SLC51A: variants seen among roughly 807,000 people sequenced by gnomAD.
SLC51A encodes organic solute transporter subunit alpha.
A neutral mutation model predicts 34.8 loss-of-function variants in SLC51A; 22 were observed. The ratio of observed to expected loss-of-function variants is 0.63; its 90% CI spans 0.45 to 0.90. The LOEUF is 0.90. SLC51A is among the 40% of genes least tolerant of loss of function. The pLI, the probability that SLC51A is intolerant of heterozygous loss-of-function variation, is 0.00. For synonymous variants in SLC51A, 181 were observed against 176.3 expected, an observed-to-expected ratio of 1.03 and a Z score of -0.21; for missense variants, 371 against 414.8, an observed-to-expected ratio of 0.89 and a Z score of 0.92.
At chr3:196,231,307 T>C (rs748192456) in intron 7 of SLC51A, among the ~76,000 whole-genome samples, 2 of 152,190 alleles carry the variant, frequency 1.3e-5, no homozygotes, top group Non-Finnish European at 2.9e-5. Context: ...GAAAATTCTC[T>C]CAAAGGCATG....
intron 2 of SLC51A, among the ~76,000 whole-genome samples, chr3:196,219,104 T>TA (rs1265800774): frequency 1.3e-5 from 2 of 152,082 alleles, no homozygotes; most frequent in African/African-American, 4.8e-5. Context: ...CGGGCACCTG[T>TA]AATCCCAGCT....
At chr3:196,232,351 G>T in intron 7 of SLC51A, 68 bp from the exon 8 acceptor site, 2 of 1,281,636 alleles carry the variant, frequency 1.6e-6, no homozygotes, top group Non-Finnish European at 2.3e-6. Context: ...GCCCGGCAGT[G>T]GGCTGGCTGC....
intron 2 of SLC51A, among the ~76,000 whole-genome samples, chr3:196,220,157 C>T (rs1040569607): frequency 1.8e-4 from 28 of 152,208 alleles, no homozygotes; most frequent in African/African-American, 5.3e-4. Flanking sequence ...AGGCCCGCTG[C>T]GCGCCGGGCT....
rs138726787 is a variant in SLC51A at position 196,227,048 on chromosome 3, G to A, written c.217G>A (p.Val73Ile). Reference protein sequence around the residue: ...GSIAIFLEDAVYLYKNTLCPI... With the variant: ...GSIAIFLEDAIYLYKNTLCPI... ...CATTGCCATCTTCCTGGAGGATGCC[G>A]TCTACCTGTACAAGAACACCCTTTG... Residue 73 changes from valine to isoleucine, a missense_variant, in exon 3 of 9, where the codon GTC becomes ATC. Val to Ile is a conservative substitution (Grantham distance 29, BLOSUM62 3). Transcript: ENST00000296327. 68 of 1,613,962 alleles carry A rather than the reference G, an allele frequency of 4.2e-5. No individual in the cohort carries two copies. The highest frequency in any genetic ancestry group is 3.5e-4 in the Admixed American group (21 of 59,996).
Position 196,228,883 on chromosome 3 carries a change from T to C in SLC51A, c.596T>C (p.Leu199Pro), listed in dbSNP as rs200764718. 1.3e-5 allele frequency: 21 copies of C among 1,614,170 alleles called. No homozygotes were observed. Among genetic ancestry groups the C allele is most frequent in the Non-Finnish European group, 1.2e-5 (14 of 1,180,012 alleles). Residue 199 changes from leucine to proline, a missense_variant, in exon 6 of 9, where the codon CTG (leucine) becomes CCG (proline). Leu to Pro is a moderately conservative substitution (Grantham distance 98). Transcript: ENST00000296327. This position sits in a 1 kb window ranked among gnomAD's most constrained non-coding sequence, Gnocchi z 4.9. ...FLKITLTLVG[L>P]FLVPDGIYDP... Reference sequence around the variant, plus strand: ...AAGATAACGCTGACCCTGGTGGGCCTGTTTCTCGTCCCCGACGGCATCTAT... The same window carrying C: ...AAGATAACGCTGACCCTGGTGGGCCCGTTTCTCGTCCCCGACGGCATCTAT...
In SLC51A at chr3:196,216,631, C is replaced by T. The variant is rs1723583379; in HGVS notation, c.-82C>T. On this transcript the variant is annotated 5_prime_UTR_variant, in exon 1 of 9. Transcript: ENST00000296327. The surrounding 1 kb of genome is among the most constrained non-coding windows in gnomAD (Gnocchi z 4.5). ...CCCCCACCCCGGCCCAGGCAAGCCA[C>T]CCTGCCCCCGGCCCCCACCTGCCCG... is the stretch of plus-strand genomic sequence containing the variant. 2 of 1,441,126 alleles carry T rather than the reference C, an allele frequency of 1.4e-6. No individual in the cohort carries two copies. The highest frequency in any genetic ancestry group is 4.0e-5 in the Admixed American group (2 of 50,612). The allele number at this position is 1,441,126 out of a possible 1,614,324, so 89.3% of individuals were successfully genotyped here.
At chr3:196,230,272 C>G (rs1227606550) in intron 7 of SLC51A, among the ~76,000 whole-genome samples, 1 of 152,142 alleles carries the variant, frequency 6.6e-6, no homozygotes, top group Non-Finnish European at 1.5e-5. Flanking sequence ...CAAAATACCA[C>G]AAATCAGATG....
At chr3:196,227,999 G>A in intron 4 of SLC51A, 116 bp from the exon 5 acceptor site, 1 of 1,385,372 alleles carries the variant, frequency 7.2e-7, no homozygotes, top group Non-Finnish European at 9.9e-7. Context: ...CGCCCCTCTT[G>A]GGTCACACAC....
chr3:196,227,546 G>A (rs964789371), intron 3 of SLC51A, 118 bp from the exon 4 acceptor site: 3 of 857,196 alleles, frequency 3.5e-6, no homozygotes, highest in East Asian at 2.5e-5. Flanking sequence ...AGCTGGCAAC[G>A]TTTAAGGAAC....
At chr3:196,219,324 C>T (rs1055724915) in intron 2 of SLC51A, among the ~76,000 whole-genome samples, 12 of 152,182 alleles carry the variant, frequency 7.9e-5, no homozygotes, top group South Asian at 2.1e-4. Context: ...TTGAGAATCA[C>T]GGCCCGAGCA....
intron 7 of SLC51A, among the ~76,000 whole-genome samples, chr3:196,231,220 T>C (rs1724022722): frequency 6.6e-6 from 1 of 152,186 alleles, no homozygotes; most frequent in Non-Finnish European, 1.5e-5. Context: ...GGGGCTAGAA[T>C]TTATACCCAG....
At chr3:196,222,726 G>A (rs890236826) in intron 2 of SLC51A, among the ~76,000 whole-genome samples, 15 of 151,594 alleles carry the variant, frequency 9.9e-5, no homozygotes, top group African/African-American at 3.6e-4. Flanking sequence ...AAAAATGTCA[G>A]TATGCTCTGC....
chr3:196,229,811 C>A, intron 6 of SLC51A, 104 bp from the exon 7 acceptor site: 1 of 1,380,872 alleles, frequency 7.2e-7, no homozygotes, highest in Non-Finnish European at 9.7e-7. Context: ...TATCATTGCA[C>A]CTCTGCACTT....
intron 2 of SLC51A, among the ~76,000 whole-genome samples, chr3:196,220,827 T>C (rs1420938874): frequency 6.6e-6 from 1 of 151,756 alleles, no homozygotes. Context: ...GAAGTGCCTC[T>C]GGGAGGCTGT....
Position 196,229,944 on chromosome 3 carries a change from C to A in SLC51A, c.663C>A (p.Ile221=). Residue 221 remains isoleucine, a synonymous_variant, in exon 7 of 9, where the codon ATC becomes ATA. Coordinates refer to ENST00000296327, the MANE Select transcript of SLC51A (RefSeq NM_152672.6). The part of the protein sequence containing the change: ...DISEGSTALW[I]NTFLGVSTLL... ...CTGAGGGGAGCACAGCTCTATGGAT[C>A]AACACTTTCCTTGGCGTGTCCACAC... 1 of 1,612,782 alleles carries A rather than the reference C, an allele frequency of 6.2e-7. No homozygotes were observed.
chr3:196,223,293 C>T (rs74475893), intron 2 of SLC51A, among the ~76,000 whole-genome samples: 1,718 of 151,960 alleles, frequency 0.011, 55 homozygotes, highest in Non-Finnish European at 0.02. Context: ...GTTACAGAGC[C>T]GTTACTCCTC....
chr3:196,223,610 C>T (rs1042179351), intron 2 of SLC51A, among the ~76,000 whole-genome samples: 4 of 151,578 alleles, frequency 2.6e-5, no homozygotes, highest in African/African-American at 9.7e-5. Context: ...CCCCCGCTTC[C>T]CAACCACAGA....
At chr3:196,218,960 T>C (rs531740291) in intron 2 of SLC51A, among the ~76,000 whole-genome samples, 1 of 152,194 alleles carries the variant, frequency 6.6e-6, no homozygotes, top group South Asian at 2.1e-4. Flanking sequence ...GAGCGGTGGC[T>C]CACGCCTGTA....
In SLC51A at chr3:196,231,721, G is replaced by A. The variant is rs1230434541; in HGVS notation, c.781-698G>A. On this transcript the variant is annotated intron_variant, in intron 7 of 8. Coordinates refer to ENST00000296327, the MANE Select transcript of SLC51A (RefSeq NM_152672.6). ...ATGTGGGGGAGCCTGGGTGAGCCAC[G>A]CCAGCCTTGAAGAAGCTGAGGTTTC... is the stretch of plus-strand genomic sequence containing the variant. 2.0e-5 allele frequency among the ~76,000 whole-genome samples: 3 copies of A among 152,182 alleles called. No homozygotes were observed. In the East Asian group the frequency reaches 5.8e-4, roughly 29 times the overall value.
Sources: gnomAD v4.1 joint callset for allele counts (sites outside exome capture counted in the v4.1 genomes callset) on GRCh38, gnomAD v4.1.1 for gene constraint, Gnocchi (gnomAD v3.1) non-coding constraint, MANE v1.5 for transcripts, NCBI Gene and HGNC (gene_info 2026-07-23, HGNC 2026-07-21) for gene names.